The following MYO1B variants were observed in gnomAD, a reference collection of about 807,000 sequenced individuals.
MYO1B encodes the protein unconventional myosin-Ib.
In MYO1B, 72 loss-of-function variants were observed where a neutral mutation model predicts 159.7. The observed-to-expected ratio is 0.45, with a 90% CI of 0.37 to 0.55. The LOEUF (loss-of-function observed/expected upper bound fraction) is 0.55, where lower values mean the gene tolerates loss of function less well. MYO1B is among the 20% of genes least tolerant of loss of function. The pLI, the probability that MYO1B is intolerant of heterozygous loss-of-function variation, is 0.00. For missense variants in MYO1B, 1,062 were observed against 1,364.8 expected, an observed-to-expected ratio of 0.78 and a Z score of 3.50; for synonymous variants, 468 against 473.8, an observed-to-expected ratio of 0.99 and a Z score of 0.16.
chr2:191,326,094 A>C (rs1170611968), intron 3 of MYO1B, among the ~76,000 whole-genome samples: 1 of 152,238 alleles, frequency 6.6e-6, no homozygotes, highest in South Asian at 2.1e-4. Flanking sequence ...CCCTTACGCT[A>C]TCGTCATTAT....
intron 7 of MYO1B, among the ~76,000 whole-genome samples, chr2:191,360,380 G>T (rs1033077467): frequency 7.2e-5 from 11 of 152,102 alleles, no homozygotes; most frequent in African/African-American, 2.4e-4. Context: ...GTATAAAAAT[G>T]ATATTTAATC....
At chr2:191,260,614 T>G (rs1686755038) in intron 1 of MYO1B, among the ~76,000 whole-genome samples, 1 of 152,246 alleles carries the variant, frequency 6.6e-6, no homozygotes, top group South Asian at 2.1e-4. Flanking sequence ...CCCAGATTTT[T>G]CTGGGAGCCT....
Position 191,360,679 on chromosome 2 carries a change from A to C in MYO1B, c.611A>C (p.Asn204Thr). The C allele has an allele frequency of 6.2e-7, 1 of 1,613,730 alleles. No homozygotes were observed. The highest frequency in any genetic ancestry group is 8.5e-7 in the Non-Finnish European group (1 of 1,179,810). The stretch of plus-strand genomic sequence containing the variant: ...GTTAAACAGCCAAGAGGTGAAAGAA[A>C]CTTCCATGTGTTCTATCAGCTGCTC... Reference protein sequence around the residue: ...RVVKQPRGERNFHVFYQLLSG... With the variant: ...RVVKQPRGERTFHVFYQLLSG... Residue 204 changes from asparagine to threonine, a missense_variant, in exon 8 of 31, where the codon AAC (asparagine) becomes ACC (threonine). Transcript: ENST00000392318.
intron 1 of MYO1B, among the ~76,000 whole-genome samples, chr2:191,247,642 T>A (rs1029686897): frequency 6.6e-6 from 1 of 152,256 alleles, no homozygotes; most frequent in African/African-American, 2.4e-5. Flanking sequence ...TTTTTGTTGT[T>A]GTTGTCTTAC....
chr2:191,348,032 C>T (rs1234404828), intron 6 of MYO1B, among the ~76,000 whole-genome samples: 2 of 152,154 alleles, frequency 1.3e-5, no homozygotes, highest in Non-Finnish European at 2.9e-5. Flanking sequence ...CCGCTCCCCA[C>T]CACAGCAGCT....
intron 3 of MYO1B, among the ~76,000 whole-genome samples, chr2:191,313,192 CTTTTTTTTTTTTTTTTTTTTT>C (rs762175060): frequency 3.0e-4 from 13 of 43,016 alleles, no homozygotes; most frequent in African/African-American, 8.8e-4. Context: ...GCACACATGG[CTTTTTTTTTTTTTTTTTTTTT>C]TTTTTTTTTT....
In MYO1B at chr2:191,400,849, A is replaced by G. The variant is rs771017113; in HGVS notation, c.2469+14A>G. 1.9e-6 allele frequency: 3 copies of G among 1,609,996 alleles called. No individual in the cohort carries two copies. Among genetic ancestry groups the G allele is most frequent in the African/African-American group, 1.3e-5 (1 of 74,926 alleles). The stretch of plus-strand genomic sequence containing the variant: ...CTTGGATCTAAGGTACTTGATGCAC[A>G]TATCCCAACACTCCATCCTGGAATT... On this transcript the variant is annotated intron_variant, in intron 23 of 30. Transcript: ENST00000392318.
chr2:191,330,594 T>C (rs534780688), intron 4 of MYO1B, among the ~76,000 whole-genome samples: 1 of 152,316 alleles, frequency 6.6e-6, no homozygotes, highest in East Asian at 1.9e-4. Flanking sequence ...ATTCATATGA[T>C]TGGTGGTCTT....
chr2:191,284,131 G>A (rs535349369), intron 2 of MYO1B, among the ~76,000 whole-genome samples: 34 of 152,218 alleles, frequency 2.2e-4, no homozygotes, highest in Non-Finnish European at 4.4e-4. Context: ...GTAACTGACA[G>A]CTGCACATGG....
At chr2:191,380,971 C>T (rs1027729492) in intron 13 of MYO1B, 3 of 258,462 alleles carry the variant, frequency 1.2e-5, no homozygotes, top group African/African-American at 6.6e-5. Context: ...CACATACACA[C>T]ATGTTCGTAT....
At chr2:191,324,595 G>A (rs1258730017) in intron 3 of MYO1B, among the ~76,000 whole-genome samples, 3 of 152,056 alleles carry the variant, frequency 2.0e-5, no homozygotes, top group African/African-American at 7.2e-5. Flanking sequence ...ACTGCATAGT[G>A]CACACTTTGC....
chr2:191,272,252 A>C (rs1300093008), intron 1 of MYO1B, among the ~76,000 whole-genome samples: 1 of 152,230 alleles, frequency 6.6e-6, no homozygotes, highest in Non-Finnish European at 1.5e-5. Context: ...GCCTGGCACC[A>C]GTTGGCAGGC....
intron 3 of MYO1B, among the ~76,000 whole-genome samples, chr2:191,312,029 ATAGCTTAGG>A (rs1399913689): frequency 8.5e-4 from 129 of 152,370 alleles, no homozygotes; most frequent in African/African-American, 3.0e-3. Context: ...TCTTACAGGC[ATAGCTTAGG>A]TAGCATAGAT....
At chr2:191,300,292 C>T (rs1689230668) in intron 3 of MYO1B, among the ~76,000 whole-genome samples, 2 of 151,308 alleles carry the variant, frequency 1.3e-5, no homozygotes, top group East Asian at 3.9e-4. Context: ...ACTTTGAAAA[C>T]TTTGCCAATT....
chr2:191,417,661 A>G (rs1383145567), intron 30 of MYO1B, among the ~76,000 whole-genome samples: 1 of 152,204 alleles, frequency 6.6e-6, no homozygotes, highest in Non-Finnish European at 1.5e-5. Flanking sequence ...ATTTTTAAGC[A>G]TTTCCCAAAC....
intron 19 of MYO1B, among the ~76,000 whole-genome samples, chr2:191,392,831 T>C (rs1309709217): frequency 6.6e-6 from 1 of 152,242 alleles, no homozygotes; most frequent in African/African-American, 2.4e-5. Flanking sequence ...ATTCAGCCCC[T>C]CTCTGATTTG....
At chr2:191,344,380 A>C (rs1692422131) in intron 5 of MYO1B, among the ~76,000 whole-genome samples, 1 of 152,176 alleles carries the variant, frequency 6.6e-6, no homozygotes, top group African/African-American at 2.4e-5. Flanking sequence ...TTCATTCTGT[A>C]TAGCATTTCA....
intron 3 of MYO1B, among the ~76,000 whole-genome samples, chr2:191,307,485 C>G (rs1381041867): frequency 6.6e-6 from 1 of 152,078 alleles, no homozygotes; most frequent in Non-Finnish European, 1.5e-5. Flanking sequence ...TCTCTCTCAC[C>G]CTGTGACTAA....
At chr2:191,301,018 A>T (rs910215287) in intron 3 of MYO1B, among the ~76,000 whole-genome samples, 1 of 152,114 alleles carries the variant, frequency 6.6e-6, no homozygotes, top group Non-Finnish European at 1.5e-5. Flanking sequence ...TAGTCCCCCA[A>T]ACATGGAACT....
Sources: gnomAD v4.1 joint callset for allele counts (sites outside exome capture counted in the v4.1 genomes callset) on GRCh38, gnomAD v4.1.1 for gene constraint, MANE v1.5 for transcripts, NCBI Gene and HGNC (gene_info 2026-07-23, HGNC 2026-07-21) for gene names.